The following PBX1 variants were observed in gnomAD, a reference collection of about 807,000 sequenced individuals.
PBX1 encodes the protein pre-B-cell leukemia transcription factor 1.
Under a neutral mutation model 53.4 loss-of-function variants are expected in PBX1, and 6 were observed. The observed-to-expected ratio is 0.11, with a 90% confidence interval of 0.06 to 0.22. The LOEUF (loss-of-function observed/expected upper bound fraction) is 0.22. Ranked by LOEUF, PBX1 falls within the 10% of genes least tolerant of loss-of-function variation. PBX1 has a pLI of 1.00. For synonymous variants in PBX1, 204 were observed against 212.3 expected, an observed-to-expected ratio of 0.96 and a Z score of 0.34; for missense variants, 251 against 551.4, an observed-to-expected ratio of 0.46 and a Z score of 5.46.
At chr1:164,826,888 A>T (rs1670496588) in intron 8 of PBX1, among the ~76,000 whole-genome samples, 1 of 152,070 alleles carries the variant, frequency 6.6e-6, no homozygotes, top group African/African-American at 2.4e-5. Context: ...CACAAAAAAA[A>T]CTCATTAATC....
intron 2 of PBX1, among the ~76,000 whole-genome samples, chr1:164,566,104 G>T (rs1653416240): frequency 6.6e-6 from 1 of 152,090 alleles, no homozygotes; most frequent in Admixed American, 6.6e-5. Context: ...CTTAGAAATA[G>T]ATACAAAAAC....
downstream of PBX1, among the ~76,000 whole-genome samples, chr1:164,852,635 C>T (rs1671883224): frequency 6.6e-6 from 1 of 152,190 alleles, no homozygotes; most frequent in Non-Finnish European, 1.5e-5. Flanking sequence ...CTGTCCAGAT[C>T]CTCTATGAGA....
intron 2 of PBX1, among the ~76,000 whole-genome samples, chr1:164,880,456 AG>A (rs1177621498): frequency 6.6e-6 from 1 of 152,202 alleles, no homozygotes; most frequent in African/African-American, 2.4e-5. Flanking sequence ...TGAGACACCA[AG>A]GTGTGGGGAC....
At chr1:164,607,275 G>GA (rs1480650600) in intron 2 of PBX1, among the ~76,000 whole-genome samples, 1 of 152,070 alleles carries the variant, frequency 6.6e-6, no homozygotes, top group Non-Finnish European at 1.5e-5. Flanking sequence ...GGTGAGATTA[G>GA]AAAAAAATGA....
chr1:164,647,756 T>A (rs919816812), intron 2 of PBX1, among the ~76,000 whole-genome samples: 3 of 151,644 alleles, frequency 2.0e-5, no homozygotes, highest in Non-Finnish European at 2.9e-5. Flanking sequence ...CCTGGAATGA[T>A]GAAATCAGAA....
intron 2 of PBX1, among the ~76,000 whole-genome samples, chr1:164,728,917 A>G (rs1258009119): frequency 6.6e-6 from 1 of 152,238 alleles, no homozygotes; most frequent in Non-Finnish European, 1.5e-5. Context: ...GAGGAATTTG[A>G]TACGCCAAGT....
chr1:164,875,193 G>A (rs187938772), intron 2 of PBX1, among the ~76,000 whole-genome samples: 153 of 152,264 alleles, frequency 1.0e-3, no homozygotes, highest in African/African-American at 3.5e-3. Flanking sequence ...TTATCAGGGC[G>A]TTACATCTGT....
rs1558053738 is a variant in PBX1 at position 164,870,321 on chromosome 1, CT to C, written n.258-28864del. 6.1e-4 allele frequency among the ~76,000 whole-genome samples: 59 copies of C among 96,392 alleles called. 1 individual carries two copies. Among genetic ancestry groups the C allele is most frequent in the South Asian group, 2.0e-3 (5 of 2,528 alleles). The allele number at this position is 96,392 out of a possible 152,430, so 63.2% of individuals were successfully genotyped here. A position where few individuals can be genotyped will look rare whatever the true frequency, so the allele number is the denominator to read the frequency against. Reference sequence around the variant, plus strand: ...TCTTTCTTTCTTTCTTTCTTTCTTTCTTTCTTTCTTTCTTTCTTTCTTTCTT... The same window carrying C: ...TCTTTCTTTCTTTCTTTCTTTCTTTCTTCTTTCTTTCTTTCTTTCTTTCTT... On this transcript the variant is annotated intron_variant and non_coding_transcript_variant, in intron 2 of 2. Transcript: ENST00000558796.
chr1:164,834,029 A>G (rs201758380), intron 8 of PBX1, among the ~76,000 whole-genome samples: 138 of 128,286 alleles, frequency 1.1e-3, no homozygotes, highest in Admixed American at 2.0e-3. Flanking sequence ...ATATATGTAT[A>G]TGTGTGTGTG....
chr1:164,593,585 A>C (rs955490427), intron 2 of PBX1, among the ~76,000 whole-genome samples: 3 of 152,120 alleles, frequency 2.0e-5, no homozygotes, highest in Non-Finnish European at 2.9e-5. Flanking sequence ...TCATCTATAA[A>C]AATGTGGGTA....
intron 2 of PBX1, among the ~76,000 whole-genome samples, chr1:164,659,180 C>T (rs573329503): frequency 6.6e-6 from 1 of 152,102 alleles, no homozygotes; most frequent in Non-Finnish European, 1.5e-5. Flanking sequence ...GAATTAGGTT[C>T]GTTGTTTTAA....
rs1671643681 is a variant in PBX1, at chr1:164,847,746, G to A, written c.*1070G>A. On this transcript the variant is annotated 3_prime_UTR_variant, in exon 9 of 9. Transcript: ENST00000420696. ...CTTTTGAGCCCGAGAGAGGGAATTA[G>A]TGACTCTAAGTGAAGGTCACTGACA... 18 of 1,052,412 alleles carry A rather than the reference G, an allele frequency of 1.7e-5. No homozygotes were observed. Among genetic ancestry groups the A allele is most frequent in the South Asian group, 4.6e-5 (1 of 21,854 alleles). 65.2% of individuals were successfully genotyped at this position (1,052,412 alleles called of 1,614,324 possible). A position where few individuals can be genotyped will look rare whatever the true frequency, so the allele number is the denominator to read the frequency against.
chr1:164,617,392 GT>G (rs1378173892), intron 2 of PBX1, among the ~76,000 whole-genome samples: 3 of 152,228 alleles, frequency 2.0e-5, no homozygotes, highest in Non-Finnish European at 4.4e-5. Flanking sequence ...ATGGATGGTG[GT>G]TCAGTAATGT....
intron 2 of PBX1, among the ~76,000 whole-genome samples, chr1:164,648,008 G>C (rs1659569771): frequency 6.6e-6 from 1 of 151,960 alleles, no homozygotes; most frequent in Admixed American, 6.6e-5. Flanking sequence ...GTAGAGACGG[G>C]GTTTCACCGT....
intron 4 of PBX1, among the ~76,000 whole-genome samples, chr1:164,805,002 A>G (rs1669275760): frequency 6.6e-6 from 1 of 152,234 alleles, no homozygotes; most frequent in Admixed American, 6.5e-5. Context: ...GTATTAGGGC[A>G]GGAGATAACA....
intron 2 of PBX1, among the ~76,000 whole-genome samples, chr1:164,739,685 G>A (rs1223275347): frequency 2.0e-5 from 3 of 151,790 alleles, no homozygotes; most frequent in African/African-American, 4.8e-5. Flanking sequence ...CATTTAAGCA[G>A]CACAGTGCCG....
At chr1:164,606,475 G>A (rs1472302614) in intron 2 of PBX1, among the ~76,000 whole-genome samples, 1 of 152,196 alleles carries the variant, frequency 6.6e-6, no homozygotes, top group African/African-American at 2.4e-5. Context: ...GGAGGTTGCA[G>A]TGAGCTATGA....
At chr1:164,795,748 A>C (rs1229912964) in intron 3 of PBX1, among the ~76,000 whole-genome samples, 1 of 152,146 alleles carries the variant, frequency 6.6e-6, no homozygotes, top group Non-Finnish European at 1.5e-5. Context: ...TTTTCCTGTA[A>C]CAGTTCCTTA....
At chr1:164,735,077 A>G (rs1294527331) in intron 2 of PBX1, among the ~76,000 whole-genome samples, 2 of 152,220 alleles carry the variant, frequency 1.3e-5, no homozygotes, top group Admixed American at 6.5e-5. Context: ...TGCGTAAGCT[A>G]TAGTGCTCTA....
Sources: allele counts gnomAD v4.1 joint callset (sites outside exome capture counted in the v4.1 genomes callset), GRCh38; gene constraint gnomAD v4.1.1; transcripts MANE v1.5; gene names NCBI Gene and HGNC (gene_info 2026-07-23, HGNC 2026-07-21).